PARD3: variants seen among roughly 807,000 people sequenced by gnomAD.
The protein encoded by PARD3 is par-3 family cell polarity regulator, also known as partitioning defective 3 homolog.
Under a neutral mutation model 155.4 loss-of-function variants are expected in PARD3, and 75 were observed. The observed-to-expected ratio is 0.48, with a 90% CI of 0.40 to 0.58. The LOEUF is 0.58. PARD3 is among the 20% of genes least tolerant of loss of function. PARD3 has a pLI of 0.00. For synonymous variants in PARD3, 576 were observed against 610.5 expected, an observed-to-expected ratio of 0.94 and a Z score of 0.83; for missense variants, 1,642 against 1,721.7, an observed-to-expected ratio of 0.95 and a Z score of 0.82.
At chr10:34,552,647 G>C (rs2084678009) in intron 2 of PARD3, among the ~76,000 whole-genome samples, 1 of 152,030 alleles carries the variant, frequency 6.6e-6, no homozygotes, top group Non-Finnish European at 1.5e-5. Context: ...CCAGGAAGCG[G>C]AGGTTACAGT....
At chr10:34,146,177 C>A (rs975233129) in intron 22 of PARD3, among the ~76,000 whole-genome samples, 1 of 152,122 alleles carries the variant, frequency 6.6e-6, no homozygotes, top group Non-Finnish European at 1.5e-5. Flanking sequence ...GAAGAAATAG[C>A]TTTACTCTCT....
chr10:34,451,436 G>T (rs535178846), intron 4 of PARD3, among the ~76,000 whole-genome samples: 1 of 152,124 alleles, frequency 6.6e-6, no homozygotes, highest in Non-Finnish European at 1.5e-5. Flanking sequence ...TTACATGTGT[G>T]ATTGATACTT....
Position 34,316,990 on chromosome 10 carries a change from C to T in PARD3, c.3065+117G>A. ...GCTCCAGCATTCCTCCCAGTTCAGC[C>T]TCCCAAGTAGCTGGGATTACAGGTG... On this transcript the variant is annotated intron_variant, in intron 20 of 24. Transcript: ENST00000374788. The T allele has an allele frequency of 5.6e-6, 5 of 892,870 alleles. 1 individual carries two copies. In the Middle Eastern group the frequency reaches 9.2e-4, roughly 165 times the overall value. The allele number at this position is 892,870 out of a possible 1,614,324, so 55.3% of individuals were successfully genotyped here.
chr10:34,767,624 A>C (rs992307964), intron 1 of PARD3, among the ~76,000 whole-genome samples: 2 of 151,742 alleles, frequency 1.3e-5, no homozygotes, highest in African/African-American at 2.4e-5. Context: ...TTTGAGATGG[A>C]GTCTTGCTCT....
intron 2 of PARD3, among the ~76,000 whole-genome samples, chr10:34,687,872 T>TTTTTTTTG (rs869291068): frequency 1.5e-5 from 2 of 134,410 alleles, no homozygotes; most frequent in African/African-American, 6.3e-5. Context: ...TTTTTTTTTT[T>TTTTTTTTG]GAGACAGGGT....
chr10:34,305,159 A>C (rs1295931000), intron 20 of PARD3, among the ~76,000 whole-genome samples: 2 of 152,252 alleles, frequency 1.3e-5, no homozygotes, highest in East Asian at 3.8e-4. Context: ...TCATTATAAA[A>C]GAAATGGAAG....
rs80198870 is a variant in PARD3, at chr10:34,340,253, C to T, written c.2408+1374G>A. Among the ~76,000 whole-genome samples the T allele has an allele frequency of 4.5e-3, 679 of 152,280 alleles. 7 individuals carry two copies. The highest frequency in any genetic ancestry group is 0.015 in the African/African-American group (644 of 41,550). On this transcript the variant is annotated intron_variant, in intron 16 of 24. Coordinates refer to ENST00000374788, the MANE Select transcript of PARD3 (RefSeq NM_001184785.2). ...ATAATGCCCCAAAGACTATGACCAC[C>T]TCCACAATTTCTCATCATGGTAGAG...
At chr10:34,513,413 T>C (rs1313807209) in intron 3 of PARD3, among the ~76,000 whole-genome samples, 2 of 152,118 alleles carry the variant, frequency 1.3e-5, no homozygotes, top group Admixed American at 6.5e-5. Context: ...TCCGAGTAGC[T>C]GGGACTACAG....
chr10:34,484,668 C>G (rs996436210), intron 3 of PARD3, among the ~76,000 whole-genome samples: 2 of 152,090 alleles, frequency 1.3e-5, no homozygotes, highest in Non-Finnish European at 2.9e-5. Context: ...TTTTCAGTGC[C>G]CTGGAGAATG....
chr10:34,561,086 G>A (rs1042296636), intron 2 of PARD3, among the ~76,000 whole-genome samples: 3 of 152,122 alleles, frequency 2.0e-5, no homozygotes, highest in Admixed American at 6.6e-5. Context: ...TCTTGAGAAG[G>A]GGAGAAGGGC....
At chr10:34,255,140 T>C (rs1024686666) in intron 22 of PARD3, among the ~76,000 whole-genome samples, 1 of 152,126 alleles carries the variant, frequency 6.6e-6, no homozygotes, top group Admixed American at 6.5e-5. Context: ...TAAATCATTT[T>C]TTAGATCTCC....
chr10:34,536,093 A>G (rs1203834680), intron 2 of PARD3, among the ~76,000 whole-genome samples: 1 of 152,150 alleles, frequency 6.6e-6, no homozygotes, highest in Non-Finnish European at 1.5e-5. Context: ...TTCATCACCA[A>G]TTCAAAACTC....
chr10:34,689,388 T>C (rs993798984), intron 2 of PARD3, among the ~76,000 whole-genome samples: 11 of 152,362 alleles, frequency 7.2e-5, no homozygotes, highest in African/African-American at 2.4e-4. Flanking sequence ...CTACTAATCA[T>C]ATTTCTTACA....
At chr10:34,707,011 T>C (rs2094373666) in intron 1 of PARD3, among the ~76,000 whole-genome samples, 1 of 151,874 alleles carries the variant, frequency 6.6e-6, no homozygotes, top group Non-Finnish European at 1.5e-5. Context: ...TTTGGGAGGC[T>C]GAGGTGGTCA....
chr10:34,477,996 A>G (rs1489921364), intron 3 of PARD3, among the ~76,000 whole-genome samples: 3 of 152,222 alleles, frequency 2.0e-5, no homozygotes, highest in Non-Finnish European at 4.4e-5. Flanking sequence ...CAACCTTCAG[A>G]TATGTGTTAC....
intron 1 of PARD3, among the ~76,000 whole-genome samples, chr10:34,707,009 G>A (rs1378583295): frequency 6.6e-6 from 1 of 151,996 alleles, no homozygotes; most frequent in Non-Finnish European, 1.5e-5. Flanking sequence ...ACTTTGGGAG[G>A]CTGAGGTGGT....
chr10:34,298,418 A>G (rs1295610884), intron 20 of PARD3, among the ~76,000 whole-genome samples: 8 of 152,206 alleles, frequency 5.3e-5, no homozygotes, highest in Non-Finnish European at 1.5e-5. Context: ...CTCAGCTTCA[A>G]AAGGAAGGAA....
intron 1 of PARD3, among the ~76,000 whole-genome samples, chr10:34,795,400 C>T (rs1842139543): frequency 6.6e-6 from 1 of 152,118 alleles, no homozygotes; most frequent in Admixed American, 6.6e-5. Flanking sequence ...CACTTAAGCC[C>T]AGGAATTTGT....
intron 22 of PARD3, among the ~76,000 whole-genome samples, chr10:34,197,797 G>A (rs185715446): frequency 6.6e-5 from 10 of 152,104 alleles, no homozygotes; most frequent in East Asian, 1.9e-4. Flanking sequence ...TGGTGCGATC[G>A]CAGCTCACTG....
Sources: gnomAD v4.1 joint callset for allele counts (sites outside exome capture counted in the v4.1 genomes callset) on GRCh38, gnomAD v4.1.1 for gene constraint, MANE v1.5 for transcripts, NCBI Gene and HGNC (gene_info 2026-07-23, HGNC 2026-07-21) for gene names.